PDE10A: variants seen among roughly 807,000 people sequenced by gnomAD.
PDE10A encodes cAMP and cAMP-inhibited cGMP 3',5'-cyclic phosphodiesterase 10A.
A neutral mutation model predicts 97.7 loss-of-function variants in PDE10A; 39 were observed. The observed-to-expected ratio is 0.40, with a 90% confidence interval of 0.31 to 0.52. PDE10A has a LOEUF of 0.52. PDE10A is among the 20% of genes least tolerant of loss of function. The pLI is 0.56. For synonymous variants in PDE10A, 371 were observed against 376.8 expected, an observed-to-expected ratio of 0.98 and a Z score of 0.18; for missense variants, 731 against 1,047.8, an observed-to-expected ratio of 0.70 and a Z score of 4.17.
chr6:165,527,827 A>T (rs929131294), intron 2 of PDE10A, among the ~76,000 whole-genome samples: 1 of 152,160 alleles, frequency 6.6e-6, no homozygotes, highest in Non-Finnish European at 1.5e-5. Flanking sequence ...GTCAGTCTGT[A>T]CCGATGGCCT....
chr6:165,888,862 T>A (rs1435079650), intron 1 of PDE10A, among the ~76,000 whole-genome samples: 1 of 152,176 alleles, frequency 6.6e-6, no homozygotes, highest in Non-Finnish European at 1.5e-5. Flanking sequence ...GTTTTCAGAC[T>A]TAGAAAATAT....
intron 1 of PDE10A, among the ~76,000 whole-genome samples, chr6:165,567,922 A>G (rs1784852546): frequency 2.0e-5 from 3 of 151,530 alleles, no homozygotes; most frequent in South Asian, 4.2e-4. Flanking sequence ...TTGGAAGCCA[A>G]TAGTCTCTAC....
At chr6:165,633,111 A>G (rs1193593988) in intron 1 of PDE10A, among the ~76,000 whole-genome samples, 1 of 152,190 alleles carries the variant, frequency 6.6e-6, no homozygotes. Flanking sequence ...AAAGAAAAAA[A>G]AGAAACAGCT....
chr6:165,438,503 T>G (rs551274740), intron 5 of PDE10A, among the ~76,000 whole-genome samples: 1 of 152,358 alleles, frequency 6.6e-6, no homozygotes, highest in Admixed American at 6.5e-5. Context: ...TTAAATATAC[T>G]TGGGTCTGTT....
chr6:165,381,042 ACTCT>A (rs3082845), intron 17 of PDE10A, among the ~76,000 whole-genome samples: 1 of 116,676 alleles, frequency 8.6e-6, no homozygotes, highest in East Asian at 2.4e-4. Context: ...TGTATGCTTT[ACTCT>A]CTTTATCACC....
At chr6:165,839,721 CCATCTCAAACCTCATCTT>C (rs1780163941) in intron 1 of PDE10A, among the ~76,000 whole-genome samples, 1 of 23,646 alleles carries the variant, frequency 4.2e-5, no homozygotes, top group Non-Finnish European at 9.6e-5. Flanking sequence ...ATCCTCATCT[CCATCTCAAACCTCATCTT>C]CATTCTTATC....
chr6:165,615,911 C>T (rs1787706498), intron 1 of PDE10A, among the ~76,000 whole-genome samples: 1 of 152,104 alleles, frequency 6.6e-6, no homozygotes, highest in African/African-American at 2.4e-5. Context: ...GAATCCACAC[C>T]CTGAAGGCCA....
chr6:165,357,776 C>T (rs1279953983), intron 18 of PDE10A, among the ~76,000 whole-genome samples: 1 of 151,866 alleles, frequency 6.6e-6, no homozygotes, highest in Admixed American at 6.6e-5. Context: ...GAATTGTATC[C>T]ATTTTAATAG....
At chr6:165,626,304 T>C (rs897266342) in intron 1 of PDE10A, among the ~76,000 whole-genome samples, 3 of 152,252 alleles carry the variant, frequency 2.0e-5, no homozygotes, top group East Asian at 1.9e-4. Flanking sequence ...GGATTAGATG[T>C]TAAGATTTCC....
intron 1 of PDE10A, among the ~76,000 whole-genome samples, chr6:165,754,566 CTA>C (rs754604707): frequency 1.7e-4 from 25 of 145,434 alleles, no homozygotes; most frequent in Non-Finnish European, 2.3e-4. Flanking sequence ...AAGTTTCTCT[CTA>C]TATATATATA....
At chr6:165,467,270 A>G (rs7754318) in intron 3 of PDE10A, among the ~76,000 whole-genome samples, 4,248 of 152,314 alleles carry the variant, frequency 0.028, 202 homozygotes, top group African/African-American at 0.094. Context: ...TATCCAAAAT[A>G]TCTAGCTAAG....
At chr6:165,348,166 T>C (rs889957710) in intron 18 of PDE10A, among the ~76,000 whole-genome samples, 6 of 152,120 alleles carry the variant, frequency 3.9e-5, no homozygotes, top group African/African-American at 1.4e-4. Context: ...ATAACAAAAA[T>C]AAGAGAAATT....
At chr6:165,694,514 G>T (rs1336635956) in intron 1 of PDE10A, among the ~76,000 whole-genome samples, 1 of 152,230 alleles carries the variant, frequency 6.6e-6, no homozygotes, top group East Asian at 1.9e-4. Flanking sequence ...GAGTCCCTAA[G>T]TGTCTTATCA....
chr6:165,619,104 C>CTAGTGTCGTG (rs1787885537), intron 1 of PDE10A, among the ~76,000 whole-genome samples: 1 of 23,458 alleles, frequency 4.3e-5, no homozygotes, highest in African/African-American at 2.5e-4. Context: ...GTAGTGTAGT[C>CTAGTGTCGTG]TAGTGTAGTG....
chr6:165,841,809 T>A (rs980804621), intron 1 of PDE10A, among the ~76,000 whole-genome samples: 1 of 152,228 alleles, frequency 6.6e-6, no homozygotes, highest in African/African-American at 2.4e-5. Flanking sequence ...CAAAGACTGC[T>A]CTCTAGCTTC....
intron 1 of PDE10A, among the ~76,000 whole-genome samples, chr6:165,685,434 C>T (rs551015913): frequency 1.3e-5 from 2 of 151,858 alleles, no homozygotes; most frequent in East Asian, 3.9e-4. Context: ...CTTCTAAATG[C>T]TTCTTCTGTA....
intron 16 of PDE10A, among the ~76,000 whole-genome samples, chr6:165,391,196 T>C (rs966549367): frequency 6.6e-5 from 10 of 152,216 alleles, no homozygotes; most frequent in South Asian, 6.2e-4. Context: ...ACAGTTCTTT[T>C]AGAGATTAAA....
intron 1 of PDE10A, among the ~76,000 whole-genome samples, chr6:165,832,928 G>T (rs182996224): frequency 5.4e-4 from 82 of 152,244 alleles, no homozygotes; most frequent in African/African-American, 1.8e-3. Context: ...CATAAGGCAC[G>T]ATACCAGCCC....
intron 1 of PDE10A, among the ~76,000 whole-genome samples, chr6:165,564,420 ATGT>A (rs900694084): frequency 6.7e-6 from 1 of 149,788 alleles, no homozygotes; most frequent in African/African-American, 2.5e-5. Context: ...CAACAACGAA[ATGT>A]TGTTGAAAAC....
Sources: allele counts gnomAD v4.1 joint callset (sites outside exome capture counted in the v4.1 genomes callset), GRCh38; gene constraint gnomAD v4.1.1; transcripts MANE v1.5; gene names NCBI Gene and HGNC (gene_info 2026-07-23, HGNC 2026-07-21).